LAPTM4B: variants seen among roughly 807,000 people sequenced by gnomAD.
LAPTM4B encodes lysosomal protein transmembrane 4 beta.
Under a neutral mutation model 28.5 loss-of-function variants are expected in LAPTM4B, and 26 were observed. That is an observed-to-expected ratio of 0.91 (90% CI 0.67 to 1.27). The LOEUF (loss-of-function observed/expected upper bound fraction) is 1.27. Ranked by LOEUF, LAPTM4B falls within the 50% of genes most tolerant of loss-of-function variation. The pLI, the probability that LAPTM4B is intolerant of heterozygous loss-of-function variation, is 0.00. For synonymous variants in LAPTM4B, 109 were observed against 106.4 expected (o/e 1.02, Z -0.15); for missense variants, 288 against 285.8 (o/e 1.01, Z -0.06).
At chr8:97,823,612 T>A (rs145773862) in intron 5 of LAPTM4B, among the ~76,000 whole-genome samples, 1 of 151,724 alleles carries the variant, frequency 6.6e-6, no homozygotes, top group African/African-American at 2.4e-5. Context: ...TGGGTTCAAG[T>A]GATCCACCCA....
chr8:97,782,531 C>A (rs1164610026), intron 1 of LAPTM4B, among the ~76,000 whole-genome samples: 1 of 150,602 alleles, frequency 6.6e-6, no homozygotes, highest in East Asian at 2.0e-4. Context: ...GTCTGCCTCC[C>A]GGGTTCAAGC....
intron 5 of LAPTM4B, among the ~76,000 whole-genome samples, chr8:97,822,143 G>C (rs1407849792): frequency 6.6e-6 from 1 of 152,034 alleles, no homozygotes; most frequent in African/African-American, 2.4e-5. Flanking sequence ...AAGCCTGTGA[G>C]GCTAGGGCTG....
chr8:97,836,866 C>CT (rs999476139), intron 6 of LAPTM4B, among the ~76,000 whole-genome samples: 2 of 151,984 alleles, frequency 1.3e-5, no homozygotes, highest in African/African-American at 4.8e-5. Context: ...TCTTTTGCAT[C>CT]TAACTGCTTG....
intron 1 of LAPTM4B, among the ~76,000 whole-genome samples, chr8:97,788,700 A>AT (rs11394203): frequency 0.4 from 59,510 of 147,634 alleles, 12,067 homozygotes; most frequent in Non-Finnish European, 0.45. Flanking sequence ...TCTGACAGCC[A>AT]TTTTTTTTTT....
chr8:97,841,573 C>T (rs1011056533), intron 6 of LAPTM4B, among the ~76,000 whole-genome samples: 1 of 152,218 alleles, frequency 6.6e-6, no homozygotes, highest in Non-Finnish European at 1.5e-5. Flanking sequence ...GGTGATCCAC[C>T]TGCCTCAGCC....
At chr8:97,837,545 TG>T (rs1374256168) in intron 6 of LAPTM4B, among the ~76,000 whole-genome samples, 2 of 152,162 alleles carry the variant, frequency 1.3e-5, no homozygotes, top group Non-Finnish European at 2.9e-5. Context: ...TAATGAGTTC[TG>T]TTTTTTTTTT....
intron 6 of LAPTM4B, among the ~76,000 whole-genome samples, chr8:97,845,446 G>T (rs548979351): frequency 6.6e-6 from 1 of 151,630 alleles, no homozygotes; most frequent in Non-Finnish European, 1.5e-5. Context: ...ATTTTCCAAA[G>T]GTTTGATTCT....
intron 1 of LAPTM4B, among the ~76,000 whole-genome samples, chr8:97,777,434 G>A (rs751362096): frequency 1.9e-4 from 29 of 152,144 alleles, no homozygotes; most frequent in South Asian, 4.2e-4. Flanking sequence ...GCGTGAGTGA[G>A]CCACCGCGCC....
chr8:97,792,428 G>A (rs116634741), intron 1 of LAPTM4B, among the ~76,000 whole-genome samples: 4,468 of 151,960 alleles, frequency 0.029, 230 homozygotes, highest in African/African-American at 0.1. Context: ...CTAATTATTT[G>A]TATTTTTTGT....
At chr8:97,780,137 A>G (rs1186136591) in intron 1 of LAPTM4B, among the ~76,000 whole-genome samples, 1 of 151,742 alleles carries the variant, frequency 6.6e-6, no homozygotes, top group African/African-American at 2.4e-5. Context: ...TTTAAATAAG[A>G]GTCCAGGCCG....
chr8:97,778,108 T>C (rs536065013), intron 1 of LAPTM4B, among the ~76,000 whole-genome samples: 46 of 152,310 alleles, frequency 3.0e-4, no homozygotes, highest in African/African-American at 1.1e-3. Context: ...ACGCTCTCTG[T>C]GGAAAGTAGT....
chr8:97,843,618 A>G (rs968788393), intron 6 of LAPTM4B, among the ~76,000 whole-genome samples: 1 of 152,106 alleles, frequency 6.6e-6, no homozygotes, highest in Non-Finnish European at 1.5e-5. Flanking sequence ...TGTCTCTACT[A>G]GAAATACAAA....
At chr8:97,816,426 T>C (rs368545634) in intron 4 of LAPTM4B, among the ~76,000 whole-genome samples, 1 of 152,090 alleles carries the variant, frequency 6.6e-6, no homozygotes, top group African/African-American at 2.4e-5. Flanking sequence ...GCCTCCCAGC[T>C]AGCTGGGATT....
intron 1 of LAPTM4B, among the ~76,000 whole-genome samples, chr8:97,804,359 C>T (rs998063205): frequency 6.6e-6 from 1 of 152,196 alleles, no homozygotes; most frequent in African/African-American, 2.4e-5. Flanking sequence ...GTAGAATGAT[C>T]AGGATTTTGC....
chr8:97,818,206 G>T (rs767797596), intron 4 of LAPTM4B, among the ~76,000 whole-genome samples: 4 of 152,242 alleles, frequency 2.6e-5, no homozygotes, highest in Non-Finnish European at 4.4e-5. Flanking sequence ...AGTGAAAGGA[G>T]ACTGAAAACC....
Position 97,816,111 on chromosome 8 carries a change from C to T in LAPTM4B, c.339C>T (p.Ala113=), listed in dbSNP as rs1185015733. 1.2e-6 allele frequency: 2 copies of T among 1,613,842 alleles called. No individual in the cohort carries two copies. The highest frequency in any genetic ancestry group is 2.2e-5 in the East Asian group (1 of 44,870). The change falls in exon 4 of 7, where the codon GCC becomes GCT. Residue 113 remains alanine (A), a synonymous_variant. Coordinates refer to ENST00000521545, the MANE Select transcript of LAPTM4B (RefSeq NM_018407.6). ...TCTGTTACCAGATCTTTGACTTTGC[C>T]CTGAACATGTTGGTTGCAATCACTG... ...PFFCYQIFDF[A]LNMLVAITVL... is the part of the protein sequence containing the mutation.
intron 2 of LAPTM4B, among the ~76,000 whole-genome samples, chr8:97,812,545 G>T (rs1037244998): frequency 1.3e-5 from 2 of 152,096 alleles, no homozygotes; most frequent in African/African-American, 4.8e-5. Context: ...GCAAAAGTAC[G>T]CCTTTGTATG....
At chr8:97,847,275 G>A (rs1194787478) in intron 6 of LAPTM4B, among the ~76,000 whole-genome samples, 1 of 152,194 alleles carries the variant, frequency 6.6e-6, no homozygotes, top group African/African-American at 2.4e-5. Flanking sequence ...ATTAGAATTT[G>A]GTTGTATTAA....
At chr8:97,777,396 T>C (rs1816239278) in intron 1 of LAPTM4B, among the ~76,000 whole-genome samples, 1 of 152,024 alleles carries the variant, frequency 6.6e-6, no homozygotes, top group African/African-American at 2.4e-5. Flanking sequence ...TTCGCCCGCC[T>C]TGGACTCCCA....
Sources: gnomAD v4.1 joint callset for allele counts (sites outside exome capture counted in the v4.1 genomes callset) on GRCh38, gnomAD v4.1.1 for gene constraint, MANE v1.5 for transcripts, NCBI Gene and HGNC (gene_info 2026-07-23, HGNC 2026-07-21) for gene names.